SLC66A1: variants seen among roughly 807,000 people sequenced by gnomAD.
SLC66A1 encodes lysosomal amino acid transporter 1 homolog.
A neutral mutation model predicts 33.0 loss-of-function variants in SLC66A1; 23 were observed. The ratio of observed to expected loss-of-function variants is 0.70; its 90% CI spans 0.50 to 0.99. The LOEUF is 0.99. Among genes scored for constraint, SLC66A1 ranks in the 50% least tolerant of loss-of-function variants. SLC66A1 has a pLI of 0.00. For synonymous variants in SLC66A1, 164 were observed against 175.5 expected, an observed-to-expected ratio of 0.93 and a Z score of 0.52; for missense variants, 335 against 383.6, an observed-to-expected ratio of 0.87 and a Z score of 1.06.
intron 2 of SLC66A1, among the ~76,000 whole-genome samples, chr1:19,321,055 T>G (rs1176828174): frequency 1.3e-5 from 2 of 149,954 alleles, no homozygotes; most frequent in African/African-American, 5.1e-5. Flanking sequence ...GCATAAAAAT[T>G]TTAAATTTTG....
chr1:19,327,323 C>T lies in SLC66A1; in HGVS notation c.715C>T (p.Pro239Ser). The part of the protein sequence containing the change: ...LYGLSVLLKN[P>S]EEGQSEGSYL... ...TGGGCTGAGCGTGCTGCTCAAAAAC[C>T]CCGAGGAGGGCCAGAGCGAGGGCAG... The change falls in exon 7 of 8, where the codon CCC becomes TCC. Residue 239 changes from proline to serine, a missense_variant. By Grantham distance (74) the Pro-to-Ser change is moderately conservative (BLOSUM62 -1). Transcript: ENST00000375153. 6.2e-7 allele frequency: 1 copy of T among 1,613,374 alleles called. No homozygotes were observed. Among genetic ancestry groups the T allele is most frequent in the Non-Finnish European group, 8.5e-7 (1 of 1,179,684 alleles).
At chr1:19,319,316 G>A (rs954204400) in intron 2 of SLC66A1, among the ~76,000 whole-genome samples, 10 of 152,182 alleles carry the variant, frequency 6.6e-5, no homozygotes, top group South Asian at 2.1e-4. Context: ...GTCCCTGCCA[G>A]CCACTAGTCT....
At chr1:19,333,664 T>C (rs78504764), downstream of SLC66A1, among the ~76,000 whole-genome samples, 8,632 of 152,102 alleles carry the variant, frequency 0.057, 320 homozygotes, top group South Asian at 0.11. The surrounding 1 kb of genome is among the most constrained non-coding windows in gnomAD (Gnocchi z 4.2). Flanking sequence ...TTTAAACTGA[T>C]CCACTGGCCA....
intron 2 of SLC66A1, among the ~76,000 whole-genome samples, chr1:19,321,567 A>AT (rs35415316): frequency 0.23 from 30,869 of 132,246 alleles, 3,933 homozygotes; most frequent in Non-Finnish European, 0.28. Context: ...GTCCAACCTC[A>AT]TTTTTTTTTT....
downstream of SLC66A1, among the ~76,000 whole-genome samples, chr1:19,329,873 A>C (rs1328398851): frequency 6.6e-6 from 1 of 152,156 alleles, no homozygotes; most frequent in African/African-American, 2.4e-5. Context: ...GGAGGATTGA[A>C]GGCAGGAGGA....
Position 19,327,262 on chromosome 1 carries a change from T to G in SLC66A1, c.654T>G (p.Ser218=), listed in dbSNP as rs2093873120. 6.2e-7 allele frequency: 1 copy of G among 1,613,798 alleles called. No individual in the cohort carries two copies. The highest frequency in any genetic ancestry group is 1.3e-5 in the African/African-American group (1 of 74,882). The change falls in exon 7 of 8, where the codon TCT becomes TCG. Residue 218 remains serine (S), a synonymous_variant. Transcript: ENST00000375153. ...AGTCCACCCAGGGGATCTCCTACTC[T>G]CTGTTCGCGCTGGTGATGCTGGGGA... ...LRKSTQGISY[S]LFALVMLGNT...
At chr1:19,315,867 C>T (rs1174456770) in intron 1 of SLC66A1, among the ~76,000 whole-genome samples, 2 of 152,212 alleles carry the variant, frequency 1.3e-5, no homozygotes, top group Admixed American at 1.3e-4. Flanking sequence ...CTGTAGTTTC[C>T]TGGCTGGGTG....
At chr1:19,330,913 G>A (rs2093890512), downstream of SLC66A1, among the ~76,000 whole-genome samples, 4 of 152,376 alleles carry the variant, frequency 2.6e-5, no homozygotes, top group South Asian at 8.3e-4. Context: ...ATGCCATCTG[G>A]CATGCAGCTG....
chr1:19,319,809 A>G (rs1403706134), intron 2 of SLC66A1, among the ~76,000 whole-genome samples: 1 of 149,646 alleles, frequency 6.7e-6, no homozygotes, highest in East Asian at 2.1e-4. Flanking sequence ...AGGCTGAGGC[A>G]GGGGAATTGC....
chr1:19,320,684 G>C (rs1425200159), intron 2 of SLC66A1, among the ~76,000 whole-genome samples: 1 of 150,432 alleles, frequency 6.6e-6, no homozygotes. Flanking sequence ...CAAAGTGCTG[G>C]GATTACAGGC....
downstream of SLC66A1, among the ~76,000 whole-genome samples, chr1:19,332,038 AC>A (rs1181030364): frequency 1.3e-5 from 2 of 152,090 alleles, no homozygotes; most frequent in Non-Finnish European, 2.9e-5. Flanking sequence ...TTCAGAGAGC[AC>A]CTGGCCTGCA....
chr1:19,324,208 C>G (rs765671214), intron 2 of SLC66A1, among the ~76,000 whole-genome samples: 9 of 152,268 alleles, frequency 5.9e-5, no homozygotes, highest in Non-Finnish European at 1.3e-4. Context: ...TCGGCCCGCA[C>G]GTCCCTTTCC....
At chr1:19,320,390 C>T (rs1171501013) in intron 2 of SLC66A1, among the ~76,000 whole-genome samples, 1 of 150,234 alleles carries the variant, frequency 6.7e-6, no homozygotes, top group Non-Finnish European at 1.5e-5. Flanking sequence ...TCTCCAAATC[C>T]TCCTCAACAC....
intron 3 of SLC66A1, among the ~76,000 whole-genome samples, chr1:19,325,032 CT>C (rs1323912642): frequency 2.0e-5 from 3 of 152,206 alleles, no homozygotes; most frequent in Non-Finnish European, 2.9e-5. Flanking sequence ...TGCTGGAGTG[CT>C]GGCGAAGCTT....
intron 1 of SLC66A1, among the ~76,000 whole-genome samples, chr1:19,317,058 G>C (rs1382996564): frequency 2.0e-5 from 3 of 151,274 alleles, no homozygotes; most frequent in African/African-American, 7.4e-5. Flanking sequence ...ATCATTCGTG[G>C]CTACAACCTG....
chr1:19,327,883 G>T (rs773095752), intron 7 of SLC66A1: 4 of 308,758 alleles, frequency 1.3e-5, no homozygotes, highest in Non-Finnish European at 2.6e-5. Context: ...GCAGACGAGA[G>T]CTGGAGTGTG....
chr1:19,328,784 C>G lies in SLC66A1; in HGVS notation c.*141C>G, dbSNP rs192075414. 4.6e-6 allele frequency: 4 copies of G among 877,072 alleles called. No individual in the cohort carries two copies. The highest frequency in any genetic ancestry group is 3.3e-5 in the African/African-American group (2 of 59,898). The allele number at this position is 877,072 out of a possible 1,614,324, so 54.3% of individuals were successfully genotyped here. A position where few individuals can be genotyped will look rare whatever the true frequency, so the allele number is the denominator to read the frequency against. ...TCCTCCGTGGACCGAACCGTCCCCC[C>G]AGGAACACACCTTCAGGTAGACCCC... On this transcript the variant is annotated 3_prime_UTR_variant, in exon 8 of 8. Coordinates refer to ENST00000375153, the MANE Select transcript of SLC66A1 (RefSeq NM_001040125.2). The surrounding 1 kb of genome is among the most constrained non-coding windows in gnomAD (Gnocchi z 4.7).
At chr1:19,329,549 C>T (rs1052173575), downstream of SLC66A1, among the ~76,000 whole-genome samples, 4 of 152,192 alleles carry the variant, frequency 2.6e-5, no homozygotes, top group African/African-American at 7.2e-5. Context: ...GCCTGCCCCT[C>T]GGTGTTCAGG....
downstream of SLC66A1, among the ~76,000 whole-genome samples, chr1:19,332,102 AAGG>A (rs1436461646): frequency 6.6e-6 from 1 of 152,078 alleles, no homozygotes; most frequent in Non-Finnish European, 1.5e-5. Context: ...CCAGCGCCCC[AAGG>A]AGGATTCAAA....
Sources: allele counts gnomAD v4.1 joint callset (sites outside exome capture counted in the v4.1 genomes callset), GRCh38; gene constraint gnomAD v4.1.1; non-coding constraint Gnocchi (gnomAD v3.1); transcripts MANE v1.5; gene names NCBI Gene and HGNC (gene_info 2026-07-23, HGNC 2026-07-21).